NTRK3: variants seen among roughly 807,000 people sequenced by gnomAD.
NTRK3 encodes neurotrophic receptor tyrosine kinase 3, also known as NT-3 growth factor receptor.
A neutral mutation model predicts 91.7 loss-of-function variants in NTRK3; 24 were observed. The observed-to-expected ratio is 0.26, with a 90% CI of 0.19 to 0.37. The LOEUF (loss-of-function observed/expected upper bound fraction) is 0.37, where lower values mean the gene tolerates loss of function less well. Ranked by LOEUF, NTRK3 falls within the 10% of genes least tolerant of loss-of-function variation. The pLI is 1.00. For missense variants in NTRK3, 880 were observed against 1,068.9 expected (o/e 0.82, Z 2.46); for synonymous variants, 483 against 404.0 (o/e 1.20, Z -2.34).
At chr15:87,999,953 G>T (rs990971409) in intron 14 of NTRK3, among the ~76,000 whole-genome samples, 7 of 152,176 alleles carry the variant, frequency 4.6e-5, no homozygotes, top group Admixed American at 6.5e-5. Context: ...CAGACTTAGG[G>T]ATCTGAGAGT....
intron 3 of NTRK3, among the ~76,000 whole-genome samples, chr15:88,222,452 T>A (rs914065568): frequency 6.6e-6 from 1 of 152,242 alleles, no homozygotes. Context: ...TGAAGCTGCC[T>A]TTCAATAATA....
intron 3 of NTRK3, among the ~76,000 whole-genome samples, chr15:88,244,316 C>A (rs1567709689): frequency 6.6e-6 from 1 of 152,208 alleles, no homozygotes; most frequent in Non-Finnish European, 1.5e-5. Context: ...AACACCATCT[C>A]ATAGCAACTC....
At chr15:87,954,791 G>A (rs2071497480) in intron 14 of NTRK3, among the ~76,000 whole-genome samples, 1 of 152,192 alleles carries the variant, frequency 6.6e-6, no homozygotes, top group Non-Finnish European at 1.5e-5. Context: ...TTTTCATCTA[G>A]TGGATGCTAA....
chr15:88,137,613 G>C, intron 6 of NTRK3, 52 bp from the exon 7 acceptor site: 1 of 1,596,018 alleles, frequency 6.3e-7, no homozygotes, highest in South Asian at 1.1e-5. Context: ...GATGGCCCAG[G>C]ACCCTCCCAG....
At chr15:88,084,602 A>G (rs1165660263) in intron 13 of NTRK3, among the ~76,000 whole-genome samples, 1 of 152,210 alleles carries the variant, frequency 6.6e-6, no homozygotes, top group Non-Finnish European at 1.5e-5. Context: ...CAAGCCAGAG[A>G]GCTGGAAGAA....
chr15:88,132,235 T>C (rs544550853), intron 10 of NTRK3, among the ~76,000 whole-genome samples: 1 of 152,352 alleles, frequency 6.6e-6, no homozygotes, highest in South Asian at 2.1e-4. Flanking sequence ...CTAGAACTCT[T>C]GAATTCATCT....
At chr15:88,256,470 G>A (rs1267143287) in exon 2 of NTRK3, 3 of 524,480 alleles carry the variant, frequency 5.7e-6, no homozygotes, top group Non-Finnish European at 9.9e-6. Context: ...AGCGAGGCGC[G>A]CTCTCCGACT....
At chr15:88,030,007 A>T (rs570026283) in intron 14 of NTRK3, among the ~76,000 whole-genome samples, 22 of 152,300 alleles carry the variant, frequency 1.4e-4, no homozygotes, top group African/African-American at 4.8e-4. Flanking sequence ...CATGCCACTC[A>T]TGTTTTCTGA....
rs1251225020 is a variant in NTRK3, at chr15:88,059,432, AC to A, written c.1397-26388del. Among the ~76,000 whole-genome samples the A allele has an allele frequency of 1.3e-4, 20 of 151,888 alleles. No homozygotes were observed. In the East Asian group the frequency reaches 3.1e-3, roughly 24 times the overall value. On this transcript the variant is annotated intron_variant, in intron 13 of 18. Transcript: ENST00000394480. ...ATTGTTGCTCCTCTATCACCTATAA[AC>A]CCCTAGTTATAGGCACACACCTGAA...
chr15:88,199,176 G>T (rs888012480), intron 3 of NTRK3, among the ~76,000 whole-genome samples: 2 of 152,076 alleles, frequency 1.3e-5, no homozygotes, highest in African/African-American at 4.8e-5. Context: ...ATCATCACTT[G>T]GGGGGCTCAG....
intron 17 of NTRK3, among the ~76,000 whole-genome samples, chr15:87,922,279 C>G (rs972314721): frequency 1.3e-5 from 2 of 152,200 alleles, no homozygotes; most frequent in East Asian, 1.9e-4. Flanking sequence ...CTTAGAGGAG[C>G]CTCAGGCTCT....
intron 5 of NTRK3, among the ~76,000 whole-genome samples, chr15:88,160,314 G>A (rs1166845627): frequency 6.6e-6 from 1 of 152,162 alleles, no homozygotes; most frequent in African/African-American, 2.4e-5. Flanking sequence ...CCCACTGAGG[G>A]ACCCATACCC....
At chr15:88,087,302 T>C (rs1277981634) in intron 13 of NTRK3, among the ~76,000 whole-genome samples, 1 of 152,124 alleles carries the variant, frequency 6.6e-6, no homozygotes, top group Non-Finnish European at 1.5e-5. Flanking sequence ...CACTAGGTCT[T>C]TCTCCCTGCC....
exon 19 of NTRK3, chr15:87,869,513 C>A (rs1369418): frequency 4.6e-6 from 1 of 218,042 alleles, no homozygotes; most frequent in Non-Finnish European, 9.2e-6. Flanking sequence ...CTTTGTGTGC[C>A]GAATCATTCG....
chr15:87,971,531 CA>C (rs2141275495), intron 14 of NTRK3, among the ~76,000 whole-genome samples: 1 of 152,382 alleles, frequency 6.6e-6, no homozygotes, highest in South Asian at 2.1e-4. Context: ...TTCCTTCTGT[CA>C]CCCTTGCCTT....
chr15:87,974,941 G>A (rs1360039671), intron 14 of NTRK3, among the ~76,000 whole-genome samples: 2 of 152,120 alleles, frequency 1.3e-5, no homozygotes, highest in Non-Finnish European at 2.9e-5. Context: ...AGCAGAAGAT[G>A]TGCTACTTTA....
intron 3 of NTRK3, among the ~76,000 whole-genome samples, chr15:88,198,957 T>G (rs146656539): frequency 6.6e-6 from 1 of 152,292 alleles, no homozygotes; most frequent in African/African-American, 2.4e-5. Flanking sequence ...CCCCTGTTTC[T>G]CAGTCACAAA....
intron 13 of NTRK3, among the ~76,000 whole-genome samples, chr15:88,060,267 C>G (rs2142455795): frequency 6.6e-6 from 1 of 152,058 alleles, no homozygotes; most frequent in East Asian, 1.9e-4. Context: ...GCCTGTAATC[C>G]CAGCTACTTG....
intron 14 of NTRK3, among the ~76,000 whole-genome samples, chr15:87,952,428 C>T (rs1179544764): frequency 6.6e-6 from 1 of 152,086 alleles, no homozygotes; most frequent in African/African-American, 2.4e-5. Context: ...CTCTGGTTGC[C>T]CCATTGGGGC....
Sources: gnomAD v4.1 joint callset for allele counts (sites outside exome capture counted in the v4.1 genomes callset) on GRCh38, gnomAD v4.1.1 for gene constraint, MANE v1.5 for transcripts, NCBI Gene and HGNC (gene_info 2026-07-23, HGNC 2026-07-21) for gene names.